LPP: variants seen among roughly 807,000 people sequenced by gnomAD.
LPP encodes the protein lipoma-preferred partner.
LPP carries 38 observed loss-of-function variants against 60.4 expected under a neutral mutation model. The observed-to-expected ratio is 0.63, with a 90% CI of 0.49 to 0.83. The LOEUF (loss-of-function observed/expected upper bound fraction) is 0.83. Ranked by LOEUF, LPP falls within the 40% of genes least tolerant of loss-of-function variation. LPP has a pLI of 0.00. For missense variants in LPP, 902 were observed against 783.6 expected, an observed-to-expected ratio of 1.15 and a Z score of -1.80; for synonymous variants, 328 against 290.8, an observed-to-expected ratio of 1.13 and a Z score of -1.30.
intron 2 of LPP, among the ~76,000 whole-genome samples, chr3:188,268,554 G>C (rs967809967): frequency 6.6e-6 from 1 of 152,222 alleles, no homozygotes; most frequent in Non-Finnish European, 1.5e-5. Flanking sequence ...ACAGTTGGCT[G>C]TCTTTGATTG....
chr3:188,292,362 T>G (rs1330345082), intron 2 of LPP, among the ~76,000 whole-genome samples: 1 of 152,236 alleles, frequency 6.6e-6, no homozygotes, highest in Non-Finnish European at 1.5e-5. Context: ...GTGTGAAAAC[T>G]TAATCTGTTT....
At chr3:188,673,866 C>T (rs1857437598) in intron 7 of LPP, among the ~76,000 whole-genome samples, 1 of 144,566 alleles carries the variant, frequency 6.9e-6, no homozygotes, top group South Asian at 2.3e-4. Context: ...CCCTTTCTTT[C>T]TGTCTCTGTA....
At chr3:188,445,875 C>A (rs1251549960) in intron 4 of LPP, among the ~76,000 whole-genome samples, 1 of 152,090 alleles carries the variant, frequency 6.6e-6, no homozygotes, top group African/African-American at 2.4e-5. Context: ...ATAAAGAATT[C>A]CTGGCCATTT....
chr3:188,624,488 C>G (rs1236103453), intron 7 of LPP, among the ~76,000 whole-genome samples: 1 of 152,124 alleles, frequency 6.6e-6, no homozygotes, highest in Non-Finnish European at 1.5e-5. Flanking sequence ...AGTTGCATTC[C>G]TGCAGGAGAA....
At chr3:188,251,150 C>T (rs1395983449) in intron 2 of LPP, among the ~76,000 whole-genome samples, 1 of 147,560 alleles carries the variant, frequency 6.8e-6, no homozygotes, top group East Asian at 2.0e-4. Context: ...TTATGGTCTT[C>T]AAGATTTCTG....
rs990233522 is a variant in LPP at position 188,610,920 on chromosome 3, A to G, written c.1113+1076A>G. 2.0e-5 allele frequency among the ~76,000 whole-genome samples: 3 copies of G among 152,234 alleles called. No homozygotes were observed. Among genetic ancestry groups the G allele is most frequent in the African/African-American group, 7.2e-5 (3 of 41,468 alleles). On this transcript the variant is annotated intron_variant, in intron 7 of 11. Coordinates refer to ENST00000617246, the MANE Select transcript of LPP (RefSeq NM_001375462.1). This position sits in a 1 kb window ranked among gnomAD's most constrained non-coding sequence, Gnocchi z 4.4. ...GAGCCCTCAATTAGCTAGAAGTTCA[A>G]TGGTAGTTTTGGGGGATGGATTGGG...
chr3:188,181,149 T>G (rs964400652), intron 1 of LPP, among the ~76,000 whole-genome samples: 3 of 152,062 alleles, frequency 2.0e-5, no homozygotes, highest in Non-Finnish European at 4.4e-5. Flanking sequence ...GGTCAGGGAT[T>G]CGAGACCAGC....
chr3:188,329,297 T>C (rs561989849), intron 2 of LPP, among the ~76,000 whole-genome samples: 552 of 152,346 alleles, frequency 3.6e-3, no homozygotes, highest in Non-Finnish European at 6.2e-3. Flanking sequence ...TCTTTTGATT[T>C]CCTGCTCCAC....
At chr3:188,686,285 T>C (rs1422660701) in intron 7 of LPP, among the ~76,000 whole-genome samples, 3 of 152,196 alleles carry the variant, frequency 2.0e-5, no homozygotes, top group Non-Finnish European at 4.4e-5. Context: ...TTCTGTTTTA[T>C]GTAGCCACAG....
chr3:188,556,929 G>A (rs945461030), intron 6 of LPP, among the ~76,000 whole-genome samples: 6 of 152,004 alleles, frequency 3.9e-5, no homozygotes, highest in African/African-American at 1.2e-4. Context: ...AATAGTTAAT[G>A]TCTTGTTAAT....
intron 7 of LPP, among the ~76,000 whole-genome samples, chr3:188,672,254 G>A (rs1485870237): frequency 6.6e-6 from 1 of 151,738 alleles, no homozygotes; most frequent in African/African-American, 2.4e-5. Flanking sequence ...TTTATGGTGA[G>A]CTTTTTGTCT....
chr3:188,263,996 T>C (rs781489788), intron 2 of LPP, among the ~76,000 whole-genome samples: 10 of 152,206 alleles, frequency 6.6e-5, no homozygotes, highest in Non-Finnish European at 8.8e-5. Flanking sequence ...AGGTGTATTA[T>C]GTAGGAAGCC....
chr3:188,288,205 TC>T (rs1744627420), intron 2 of LPP, among the ~76,000 whole-genome samples: 1 of 152,312 alleles, frequency 6.6e-6, no homozygotes, highest in South Asian at 2.1e-4. Flanking sequence ...ATTGTCCACA[TC>T]CCTTCTTCCT....
intron 4 of LPP, among the ~76,000 whole-genome samples, chr3:188,459,322 C>T (rs560047020): frequency 8.6e-5 from 13 of 151,944 alleles, no homozygotes; most frequent in East Asian, 3.9e-4. Context: ...TGAATGAACA[C>T]GCCCAGAAAA....
intron 7 of LPP, among the ~76,000 whole-genome samples, chr3:188,631,769 A>G (rs1847886567): frequency 6.6e-6 from 1 of 152,226 alleles, no homozygotes; most frequent in Non-Finnish European, 1.5e-5. Context: ...ACATTGAAGC[A>G]TTCCAGGAAC....
chr3:188,391,566 A>G (rs1578554649), intron 3 of LPP, among the ~76,000 whole-genome samples: 1 of 152,178 alleles, frequency 6.6e-6, no homozygotes, highest in African/African-American at 2.4e-5. Context: ...GGTGTTTCAC[A>G]GAAGTAATTA....
chr3:188,225,381 G>A (rs1424155811), intron 1 of LPP, 24 bp from the exon 2 acceptor site: 2 of 152,162 alleles, frequency 1.3e-5, no homozygotes, highest in Non-Finnish European at 2.9e-5. Flanking sequence ...AGATACATAA[G>A]CAACACCCTT....
chr3:188,513,101 A>G (rs1206357351), intron 5 of LPP, among the ~76,000 whole-genome samples: 1 of 152,214 alleles, frequency 6.6e-6, no homozygotes, highest in Non-Finnish European at 1.5e-5. Context: ...TGTTATGCAA[A>G]GGATTCCTGG....
chr3:188,173,516 CA>C (rs372509873), intron 1 of LPP, among the ~76,000 whole-genome samples: 63,764 of 150,738 alleles, frequency 0.42, 13,906 homozygotes, highest in Non-Finnish European at 0.49. Context: ...AAAACAAAAA[CA>C]AAAAAAACAA....
Sources: gnomAD v4.1 joint callset for allele counts (sites outside exome capture counted in the v4.1 genomes callset) on GRCh38, gnomAD v4.1.1 for gene constraint, Gnocchi (gnomAD v3.1) non-coding constraint, MANE v1.5 for transcripts, NCBI Gene and HGNC (gene_info 2026-07-23, HGNC 2026-07-21) for gene names.